CHSY3: variants seen among roughly 807,000 people sequenced by gnomAD.
CHSY3 encodes chondroitin sulfate synthase 3.
A neutral mutation model predicts 67.2 loss-of-function variants in CHSY3; 35 were observed. The ratio of observed to expected loss-of-function variants is 0.52; its 90% CI spans 0.40 to 0.69. The LOEUF is 0.69. Ranked by LOEUF, CHSY3 falls within the 30% of genes least tolerant of loss-of-function variation. CHSY3 has a pLI of 0.00. For synonymous variants in CHSY3, 474 were observed against 434.7 expected (o/e 1.09, Z -1.12); for missense variants, 1,069 against 1,138.5 (o/e 0.94, Z 0.88).
intron 2 of CHSY3, among the ~76,000 whole-genome samples, chr5:130,104,824 A>T: frequency 6.6e-6 from 1 of 151,894 alleles, no homozygotes; most frequent in East Asian, 1.9e-4. Flanking sequence ...CTAATGAAAT[A>T]AAAATATCAT....
intron 2 of CHSY3, among the ~76,000 whole-genome samples, chr5:129,971,112 G>T (rs898537848): frequency 6.6e-6 from 1 of 151,816 alleles, no homozygotes; most frequent in Non-Finnish European, 1.5e-5. Flanking sequence ...TACTGAACAG[G>T]ATGAGGAGGT....
intron 2 of CHSY3, among the ~76,000 whole-genome samples, chr5:130,057,900 CAGAGAGAG>C (rs141613378): frequency 4.7e-5 from 7 of 149,120 alleles, no homozygotes; most frequent in South Asian, 2.1e-4. Context: ...TACATGCACA[CAGAGAGAG>C]AGAGAGAGAG....
At chr5:129,978,364 T>G (rs1409615250) in intron 2 of CHSY3, among the ~76,000 whole-genome samples, 3 of 152,200 alleles carry the variant, frequency 2.0e-5, no homozygotes, top group African/African-American at 7.2e-5. Context: ...ATTATGCTAA[T>G]GAGTTTTTAA....
At chr5:130,057,360 T>C (rs1392657771) in intron 2 of CHSY3, among the ~76,000 whole-genome samples, 1 of 152,056 alleles carries the variant, frequency 6.6e-6, no homozygotes, top group Non-Finnish European at 1.5e-5. Flanking sequence ...GTGTAGTAAA[T>C]TACTAAGAAA....
At chr5:130,052,673 C>CT (rs1164820002) in intron 2 of CHSY3, among the ~76,000 whole-genome samples, 1 of 151,950 alleles carries the variant, frequency 6.6e-6, no homozygotes, top group African/African-American at 2.4e-5. Flanking sequence ...GGGAAATATA[C>CT]TTTTTTTTCT....
intron 2 of CHSY3, among the ~76,000 whole-genome samples, chr5:130,004,130 A>G (rs1763808509): frequency 6.6e-6 from 1 of 152,186 alleles, no homozygotes; most frequent in African/African-American, 2.4e-5. Context: ...TCACATTTTA[A>G]TTCTTAAAAT....
intron 2 of CHSY3, among the ~76,000 whole-genome samples, chr5:129,919,272 A>T (rs1253116900): frequency 6.6e-6 from 1 of 152,198 alleles, no homozygotes; most frequent in Non-Finnish European, 1.5e-5. Context: ...ACCCAAAGAC[A>T]GTTACACATA....
intron 2 of CHSY3, among the ~76,000 whole-genome samples, chr5:130,015,363 A>G (rs934566574): frequency 1.7e-4 from 26 of 152,142 alleles, no homozygotes; most frequent in Non-Finnish European, 3.7e-4. Context: ...GTGAGAATGG[A>G]CTAATACAGG....
chr5:129,904,319 G>A (rs188224225), upstream of CHSY3, among the ~76,000 whole-genome samples: 1,227 of 152,138 alleles, frequency 8.1e-3, 14 homozygotes, highest in African/African-American at 0.028. Context: ...GGGAAATACC[G>A]CGGCCCGCGC....
rs1420283766 is a variant in CHSY3 at position 130,185,355 on chromosome 5, G to C, written c.2213G>C (p.Gly738Ala). 1.2e-6 allele frequency: 2 copies of C among 1,607,180 alleles called. No individual in the cohort carries two copies. Among genetic ancestry groups the C allele is most frequent in the Admixed American group, 3.3e-5 (2 of 60,020 alleles). ...CGATGTAGAGACAATACAATTCAGG[G>C]ACAACAGGTGTACTATCCCATCATC... ...LQRCRDNTIQ[G>A]QQVYYPIIFS... Residue 738 changes from glycine (G) to alanine (A), a missense_variant, in exon 3 of 3, where the codon GGA (glycine) becomes GCA (alanine). Transcript: ENST00000305031.
chr5:129,991,582 G>T (rs1415846274), intron 2 of CHSY3, among the ~76,000 whole-genome samples: 1 of 152,134 alleles, frequency 6.6e-6, no homozygotes, highest in Non-Finnish European at 1.5e-5. Context: ...TAACAAGCTT[G>T]AGTTTGTCCT....
intron 2 of CHSY3, among the ~76,000 whole-genome samples, chr5:129,983,455 TA>T (rs1419966650): frequency 6.6e-6 from 1 of 152,180 alleles, no homozygotes; most frequent in Non-Finnish European, 1.5e-5. Context: ...AAAATGTTTA[TA>T]ATGTATTCCA....
chr5:130,047,005 T>A (rs528422064), intron 2 of CHSY3, among the ~76,000 whole-genome samples: 54 of 151,908 alleles, frequency 3.6e-4, no homozygotes, highest in Middle Eastern at 3.4e-3. Flanking sequence ...GATGTAAATT[T>A]TCTTAATATA....
At chr5:130,009,555 A>G (rs1464383628) in intron 2 of CHSY3, among the ~76,000 whole-genome samples, 1 of 152,108 alleles carries the variant, frequency 6.6e-6, no homozygotes, top group Non-Finnish European at 1.5e-5. Context: ...ATTTAATTAC[A>G]TGGGTTATTG....
intron 2 of CHSY3, among the ~76,000 whole-genome samples, chr5:130,020,369 G>A (rs1196877515): frequency 6.7e-6 from 1 of 149,070 alleles, no homozygotes; most frequent in Non-Finnish European, 1.5e-5. Flanking sequence ...GTAGTGAGCT[G>A]AGATCGTGCC....
intron 2 of CHSY3, among the ~76,000 whole-genome samples, chr5:130,025,352 T>C (rs1163871610): frequency 1.3e-5 from 2 of 151,976 alleles, no homozygotes; most frequent in Non-Finnish European, 2.9e-5. Context: ...GGTACAGTGC[T>C]GGGAACCAGC....
At chr5:130,009,309 T>C (rs1763977000) in intron 2 of CHSY3, among the ~76,000 whole-genome samples, 1 of 152,160 alleles carries the variant, frequency 6.6e-6, no homozygotes, top group East Asian at 1.9e-4. Context: ...TGGGAGCCTA[T>C]ATTCAGCATC....
chr5:130,019,686 A>G (rs1764311575), intron 2 of CHSY3, among the ~76,000 whole-genome samples: 1 of 152,162 alleles, frequency 6.6e-6, no homozygotes, highest in South Asian at 2.1e-4. Context: ...TACAACTACA[A>G]TTTCATAGGT....
At chr5:130,075,802 T>G (rs780968917) in intron 2 of CHSY3, among the ~76,000 whole-genome samples, 2 of 152,150 alleles carry the variant, frequency 1.3e-5, no homozygotes, top group African/African-American at 2.4e-5. Flanking sequence ...TATAGGCCAA[T>G]GTAATTCATT....
Sources: allele counts gnomAD v4.1 joint callset (sites outside exome capture counted in the v4.1 genomes callset), GRCh38; gene constraint gnomAD v4.1.1; transcripts MANE v1.5; gene names NCBI Gene and HGNC (gene_info 2026-07-23, HGNC 2026-07-21).